Variants in DMRT1 observed in about 807,000 individuals in gnomAD.
DMRT1 encodes the protein doublesex and mab-3 related transcription factor 1.
In DMRT1, 7 loss-of-function variants were observed where a neutral mutation model predicts 32.3. The ratio of observed to expected loss-of-function variants is 0.22; its 90% CI spans 0.12 to 0.41. The LOEUF (loss-of-function observed/expected upper bound fraction) is 0.41, where lower values mean the gene tolerates loss of function less well. DMRT1 is among the 10% of genes least tolerant of loss of function. The probability of loss-of-function intolerance (pLI) is 1.00; values close to 1 mark genes in which losing one functional copy is unlikely to be tolerated. For synonymous variants in DMRT1, 278 were observed against 206.1 expected, an observed-to-expected ratio of 1.35 and a Z score of -2.99; for missense variants, 625 against 500.5, an observed-to-expected ratio of 1.25 and a Z score of -2.37.
chr9:843,529 T>C (rs1031523506), intron 1 of DMRT1, among the ~76,000 whole-genome samples: 2 of 152,250 alleles, frequency 1.3e-5, no homozygotes, highest in African/African-American at 4.8e-5. Flanking sequence ...TGAGATTTGG[T>C]CCGTCTGTGG....
At chr9:868,837 C>G (rs1816106126) in intron 2 of DMRT1, among the ~76,000 whole-genome samples, 2 of 152,084 alleles carry the variant, frequency 1.3e-5, no homozygotes, top group South Asian at 4.2e-4. Flanking sequence ...TGGTGAAGCC[C>G]CATTCCTACA....
chr9:968,231 A>G lies in DMRT1; in HGVS notation c.*92A>G, dbSNP rs1820000804. On this transcript the variant is annotated 3_prime_UTR_variant, in exon 5 of 5. Transcript: ENST00000382276. Reference sequence around the variant, plus strand: ...TTAATATTTTGCATTGACTCATACTATCTTAACTGTTGAGAACGTATTTGG... The same window carrying G: ...TTAATATTTTGCATTGACTCATACTGTCTTAACTGTTGAGAACGTATTTGG... The G allele has an allele frequency of 9.6e-6, 14 of 1,464,628 alleles. No individual in the cohort carries two copies. Among genetic ancestry groups the G allele is most frequent in the Non-Finnish European group, 1.3e-5 (14 of 1,066,616 alleles). 90.7% of individuals were successfully genotyped at this position (1,464,628 alleles called of 1,614,324 possible).
At chr9:885,541 G>C (rs1360324401) in intron 2 of DMRT1, among the ~76,000 whole-genome samples, 1 of 152,228 alleles carries the variant, frequency 6.6e-6, no homozygotes, top group Non-Finnish European at 1.5e-5. Flanking sequence ...TGACCTGCCA[G>C]TGCCTATCAG....
chr9:860,282 G>C (rs1462600711), intron 2 of DMRT1, among the ~76,000 whole-genome samples: 2 of 152,314 alleles, frequency 1.3e-5, no homozygotes, highest in African/African-American at 4.8e-5. Context: ...GGGCGACAGA[G>C]CGAGACTCTG....
intron 4 of DMRT1, among the ~76,000 whole-genome samples, chr9:919,717 G>A (rs935984001): frequency 1.3e-5 from 2 of 152,148 alleles, no homozygotes; most frequent in African/African-American, 4.8e-5. Context: ...TAGACTATAG[G>A]GATGCAAGGG....
chr9:856,894 T>G (rs988701345), intron 2 of DMRT1, among the ~76,000 whole-genome samples: 1 of 152,258 alleles, frequency 6.6e-6, no homozygotes, highest in South Asian at 2.1e-4. Context: ...TAAGTTTTTT[T>G]AAGTTACAAG....
At chr9:943,891 T>C (rs1819157489) in intron 4 of DMRT1, among the ~76,000 whole-genome samples, 1 of 152,208 alleles carries the variant, frequency 6.6e-6, no homozygotes, top group South Asian at 2.1e-4. Context: ...CTTCAGAGTA[T>C]GTGGTTGGCT....
intron 2 of DMRT1, among the ~76,000 whole-genome samples, chr9:875,653 G>C (rs967428432): frequency 6.6e-6 from 1 of 152,110 alleles, no homozygotes; most frequent in Non-Finnish European, 1.5e-5. Flanking sequence ...TTTGTGTCTT[G>C]GTTGCCATAG....
intron 3 of DMRT1, among the ~76,000 whole-genome samples, chr9:904,153 T>G (rs1817686619): frequency 6.6e-6 from 1 of 152,228 alleles, no homozygotes; most frequent in Non-Finnish European, 1.5e-5. Context: ...ATTTGGGGAT[T>G]CTGTAATTGG....
intron 2 of DMRT1, among the ~76,000 whole-genome samples, chr9:883,936 G>C (rs1816829416): frequency 6.6e-6 from 1 of 152,146 alleles, no homozygotes; most frequent in Admixed American, 6.6e-5. Context: ...TTAAAACTCA[G>C]AAGCTAAGTA....
intron 4 of DMRT1, among the ~76,000 whole-genome samples, chr9:952,006 A>G (rs537413178): frequency 1.3e-5 from 2 of 152,344 alleles, no homozygotes; most frequent in East Asian, 3.9e-4. Flanking sequence ...AAATCACAAC[A>G]GCCTTTAACA....
In DMRT1 at chr9:909,572, C is replaced by A. The variant is rs143295622; in HGVS notation, c.823-7191C>A. On this transcript the variant is annotated intron_variant, in intron 3 of 4. Transcript: ENST00000382276. ...CCCCAGCCTTCACACCCAGCACCAC[C>A]AGAAGACCCAGAATTCTACAGCCTG... Among the ~76,000 whole-genome samples, 1,105 of 152,128 alleles carry A rather than the reference C, an allele frequency of 7.3e-3. 7 individuals are homozygous for A. Among genetic ancestry groups the A allele is most frequent in the Admixed American group, 0.01 (153 of 15,284 alleles).
chr9:923,286 C>A (rs556974714), intron 4 of DMRT1, among the ~76,000 whole-genome samples: 1 of 152,266 alleles, frequency 6.6e-6, no homozygotes, highest in Admixed American at 6.5e-5. Context: ...GCCAAAGGTG[C>A]CCTTTATGTG....
chr9:949,497 C>T (rs956493485), intron 4 of DMRT1, among the ~76,000 whole-genome samples: 7 of 152,174 alleles, frequency 4.6e-5, no homozygotes, highest in African/African-American at 1.7e-4. Context: ...ACACGATCAC[C>T]ACAATCTGTG....
At chr9:862,738 G>A (rs1285908216) in intron 2 of DMRT1, among the ~76,000 whole-genome samples, 1 of 152,088 alleles carries the variant, frequency 6.6e-6, no homozygotes, top group African/African-American at 2.4e-5. Flanking sequence ...TGTAGTTTTG[G>A]TGGGTGTTGT....
chr9:873,622 A>G (rs1035883366), intron 2 of DMRT1, among the ~76,000 whole-genome samples: 1 of 152,132 alleles, frequency 6.6e-6, no homozygotes, highest in Non-Finnish European at 1.5e-5. Context: ...CCCAGCCTCT[A>G]TAGACATTTA....
intron 2 of DMRT1, among the ~76,000 whole-genome samples, chr9:870,129 G>A (rs1390289112): frequency 6.6e-6 from 1 of 152,212 alleles, no homozygotes; most frequent in African/African-American, 2.4e-5. Flanking sequence ...CGGGCGCGGT[G>A]GCTCACGCCT....
chr9:898,415 G>A (rs1170192186), intron 3 of DMRT1, among the ~76,000 whole-genome samples: 2 of 152,152 alleles, frequency 1.3e-5, no homozygotes, highest in African/African-American at 4.8e-5. Context: ...CACCGTGCCT[G>A]GCCCAGAGAG....
intron 3 of DMRT1, among the ~76,000 whole-genome samples, chr9:914,394 A>G (rs576832945): frequency 5.9e-5 from 9 of 151,820 alleles, no homozygotes; most frequent in African/African-American, 2.2e-4. Flanking sequence ...CTAACACGGT[A>G]AAACCCTGTC....
Sources: allele counts gnomAD v4.1 joint callset (sites outside exome capture counted in the v4.1 genomes callset), GRCh38; gene constraint gnomAD v4.1.1; transcripts MANE v1.5; gene names NCBI Gene and HGNC (gene_info 2026-07-23, HGNC 2026-07-21).